DCAF10: variants seen among roughly 807,000 people sequenced by gnomAD.
DCAF10 encodes the protein DDB1 and CUL4 associated factor 10, also known as DDB1- and CUL4-associated factor 10.
DCAF10 carries 19 observed loss-of-function variants against 51.9 expected under a neutral mutation model. The observed-to-expected ratio is 0.37, with a 90% CI of 0.26 to 0.54. The LOEUF (loss-of-function observed/expected upper bound fraction) is 0.54. DCAF10 is among the 20% of genes least tolerant of loss of function. The pLI is 0.87. For synonymous variants in DCAF10, 291 were observed against 297.1 expected (o/e 0.98, Z 0.21); for missense variants, 510 against 730.6 (o/e 0.70, Z 3.48).
In DCAF10 at chr9:37,829,165, G is replaced by C. The variant is rs1217913397; in HGVS notation, c.653+9764G>C. ...AGAATCACCTAAGATAAACTACAAT[G>C]AACAGGCCGGGCACGGTGGCTCATG... On this transcript the variant is annotated intron_variant, in intron 2 of 6. Coordinates refer to ENST00000377724, the MANE Select transcript of DCAF10 (RefSeq NM_024345.5). The surrounding 1 kb of genome is among the most constrained non-coding windows in gnomAD (Gnocchi z 4.2). Among the ~76,000 whole-genome samples, 1 of 152,194 alleles carries C rather than the reference G, an allele frequency of 6.6e-6. No homozygotes were observed. The highest frequency in any genetic ancestry group is 2.4e-5 in the African/African-American group (1 of 41,454).
chr9:37,833,117 C>T (rs896454035), intron 2 of DCAF10, among the ~76,000 whole-genome samples: 2 of 152,144 alleles, frequency 1.3e-5, no homozygotes, highest in South Asian at 2.1e-4. Flanking sequence ...CCACCTCGCT[C>T]AAAGTGTTGG....
chr9:37,855,518 AG>A (rs1830820790), intron 4 of DCAF10, among the ~76,000 whole-genome samples: 1 of 152,246 alleles, frequency 6.6e-6, no homozygotes, highest in Non-Finnish European at 1.5e-5. Context: ...AAGAGAATTT[AG>A]GGTTCAGAAA....
chr9:37,827,173 T>C (rs1053803468), intron 2 of DCAF10, among the ~76,000 whole-genome samples: 17 of 152,068 alleles, frequency 1.1e-4, no homozygotes, highest in Non-Finnish European at 2.4e-4. Context: ...AGCAACTACA[T>C]GCGATCAGAA....
chr9:37,862,813 G>A lies in DCAF10; in HGVS notation c.*1305G>A, dbSNP rs970324670. Reference sequence around the variant, plus strand: ...GCTATGCACTAGCCTTGCCCTCTTAGGTTGCATTCTCTTTAGGCCACTGGT... The same window carrying A: ...GCTATGCACTAGCCTTGCCCTCTTAAGTTGCATTCTCTTTAGGCCACTGGT... On this transcript the variant is annotated 3_prime_UTR_variant, in exon 7 of 7. Coordinates refer to ENST00000377724, the MANE Select transcript of DCAF10 (RefSeq NM_024345.5). 1 of 152,230 alleles carries A rather than the reference G, an allele frequency of 6.6e-6. No individual in the cohort carries two copies. Among genetic ancestry groups the A allele is most frequent in the African/African-American group, 2.4e-5 (1 of 41,438 alleles). 9.4% of individuals were successfully genotyped at this position (152,230 alleles called of 1,614,324 possible).
chr9:37,814,127 T>TTTG lies in DCAF10; in HGVS notation c.540-5133_540-5131dup, dbSNP rs60537201. ...ATATATATATATATATATATATATA[T>TTTG]TTGTTGTTGTTGTTGTTGTTGTTGT... On this transcript the variant is annotated intron_variant, in intron 1 of 6. Transcript: ENST00000377724. Among the ~76,000 whole-genome samples the TTTG allele has an allele frequency of 7.0e-4, 70 of 100,628 alleles. 1 individual carries two copies. Among genetic ancestry groups the TTTG allele is most frequent in the South Asian group, 3.4e-3 (11 of 3,190 alleles). 66.0% of individuals were successfully genotyped at this position (100,628 alleles called of 152,430 possible).
At chr9:37,839,911 T>C (rs183706005) in intron 2 of DCAF10, among the ~76,000 whole-genome samples, 1 of 152,360 alleles carries the variant, frequency 6.6e-6, no homozygotes, top group East Asian at 1.9e-4. Flanking sequence ...GCACCATGTG[T>C]ATTGTATACT....
chr9:37,845,503 G>A (rs1297593002), intron 3 of DCAF10, among the ~76,000 whole-genome samples: 2 of 152,152 alleles, frequency 1.3e-5, no homozygotes, highest in Non-Finnish European at 2.9e-5. Context: ...AGCAAAACTG[G>A]CCAAGGAAGA....
At chr9:37,805,111 A>G (rs186627588) in intron 1 of DCAF10, among the ~76,000 whole-genome samples, 6 of 152,366 alleles carry the variant, frequency 3.9e-5, no homozygotes, top group Admixed American at 2.0e-4. Flanking sequence ...TTAAATATGT[A>G]TGTACATGTT....
intron 4 of DCAF10, 112 bp downstream of exon 4, chr9:37,855,094 A>G (rs1830808703): frequency 1.0e-6 from 1 of 992,914 alleles, no homozygotes; most frequent in Non-Finnish European, 1.5e-6. Context: ...CAGTTTTTTA[A>G]AAGGCATTCT....
chr9:37,805,653 A>G (rs12000814), intron 1 of DCAF10, among the ~76,000 whole-genome samples: 3,477 of 152,290 alleles, frequency 0.023, 125 homozygotes, highest in African/African-American at 0.079. Flanking sequence ...ACAGAATGAG[A>G]AAAAAATTCC....
At chr9:37,842,711 A>T (rs1359244891) in intron 3 of DCAF10, among the ~76,000 whole-genome samples, 1 of 152,188 alleles carries the variant, frequency 6.6e-6, no homozygotes, top group Non-Finnish European at 1.5e-5. Context: ...AATGTTTAGG[A>T]ATAAAGCGTG....
In DCAF10 at chr9:37,864,604, A is replaced by G. The variant is rs1831100154; in HGVS notation, c.*3096A>G. On this transcript the variant is annotated 3_prime_UTR_variant, in exon 7 of 7. Transcript: ENST00000377724. ...GCCTCAAAAAAAAAAAAAAAAATAA[A>G]ATAAAATAAAATTAGTTTTGGAGGT... 2 of 151,886 alleles carry G rather than the reference A, an allele frequency of 1.3e-5. No individual in the cohort carries two copies. The allele number at this position is 151,886 out of a possible 1,614,324, so 9.4% of individuals were successfully genotyped here. A position where few individuals can be genotyped will look rare whatever the true frequency, so the allele number is the denominator to read the frequency against.
chr9:37,826,929 G>A (rs1829870020), intron 2 of DCAF10, among the ~76,000 whole-genome samples: 1 of 149,312 alleles, frequency 6.7e-6, no homozygotes, highest in South Asian at 2.1e-4. Flanking sequence ...AGGTTCAAGC[G>A]ATTCTCCTGC....
At chr9:37,819,226 G>T in intron 1 of DCAF10, 62 bp from the exon 2 acceptor site, 1 of 1,287,000 alleles carries the variant, frequency 7.8e-7, no homozygotes, top group South Asian at 1.3e-5. Flanking sequence ...ATAAATAAGT[G>T]AACATCAATA....
intron 2 of DCAF10, among the ~76,000 whole-genome samples, chr9:37,830,455 G>C (rs978899410): frequency 6.6e-6 from 1 of 152,120 alleles, no homozygotes; most frequent in South Asian, 2.1e-4. Context: ...AAGTGTTTAT[G>C]GTTACATACA....
chr9:37,838,175 A>G (rs1830229878), intron 2 of DCAF10, among the ~76,000 whole-genome samples: 2 of 152,242 alleles, frequency 1.3e-5, no homozygotes, highest in Non-Finnish European at 2.9e-5. Context: ...TTAAAATAAT[A>G]CTGCAGTTGT....
intron 1 of DCAF10, among the ~76,000 whole-genome samples, chr9:37,812,012 C>T (rs1201361576): frequency 1.3e-5 from 2 of 151,892 alleles, no homozygotes; most frequent in East Asian, 3.9e-4. Context: ...CATGGCAAAA[C>T]CCTGACTCTA....
At chr9:37,839,101 C>G (rs1188508196) in intron 2 of DCAF10, among the ~76,000 whole-genome samples, 1 of 151,648 alleles carries the variant, frequency 6.6e-6, no homozygotes, top group African/African-American at 2.4e-5. Context: ...TGTGCCCCAG[C>G]TGGAGTGCAG....
chr9:37,841,566 T>C (rs1467650891), intron 2 of DCAF10, among the ~76,000 whole-genome samples: 1 of 152,220 alleles, frequency 6.6e-6, no homozygotes, highest in African/African-American at 2.4e-5. Flanking sequence ...GGGAAATACC[T>C]TTCAGTTAAA....
Sources: gnomAD v4.1 joint callset for allele counts (sites outside exome capture counted in the v4.1 genomes callset) on GRCh38, gnomAD v4.1.1 for gene constraint, Gnocchi (gnomAD v3.1) non-coding constraint, MANE v1.5 for transcripts, NCBI Gene and HGNC (gene_info 2026-07-23, HGNC 2026-07-21) for gene names.